Variants in EPS8L1 observed in about 807,000 individuals in gnomAD.
The protein encoded by EPS8L1 is epidermal growth factor receptor kinase substrate 8-like protein 1.
EPS8L1 carries 101 observed loss-of-function variants against 91.7 expected under a neutral mutation model. The ratio of observed to expected loss-of-function variants is 1.10; its 90% CI spans 0.94 to 1.30. The LOEUF (loss-of-function observed/expected upper bound fraction) is 1.30. Ranked by LOEUF, EPS8L1 falls within the 50% of genes most tolerant of loss-of-function variation. The probability of loss-of-function intolerance (pLI) is 0.00; values close to 1 mark genes in which losing one functional copy is unlikely to be tolerated. For synonymous variants in EPS8L1, 506 were observed against 445.3 expected (o/e 1.14, Z -1.72); for missense variants, 1,114 against 1,017.0 (o/e 1.10, Z -1.30).
chr19:55,087,905 A>G lies in EPS8L1; in HGVS notation c.*291A>G, dbSNP rs1281200017. ...TTGTAATATGCGGCCCAGCCTATAA[A>G]CAGCCTCCGTGCTTAGCAGATGGTG... On this transcript the variant is annotated 3_prime_UTR_variant, in exon 20 of 20. Coordinates refer to ENST00000201647, the MANE Select transcript of EPS8L1 (RefSeq NM_133180.3). 4.6e-6 allele frequency: 2 copies of G among 432,020 alleles called. No homozygotes were observed. The highest frequency in any genetic ancestry group is 8.6e-6 in the Non-Finnish European group (2 of 232,182). The allele number at this position is 432,020 out of a possible 1,614,324, so 26.8% of individuals were successfully genotyped here. A position where few individuals can be genotyped will look rare whatever the true frequency, so the allele number is the denominator to read the frequency against.
intron 7 of EPS8L1, 55 bp downstream of exon 7, chr19:55,080,909 C>T (rs921567078): frequency 2.0e-6 from 3 of 1,477,600 alleles, no homozygotes; most frequent in South Asian, 1.3e-5. Context: ...CCTCCTTGTG[C>T]CTCAGTCTAC....
At chr19:55,080,723 G>A in intron 6 of EPS8L1, 49 bp from the exon 7 acceptor site, 1 of 1,595,180 alleles carries the variant, frequency 6.3e-7, no homozygotes, top group South Asian at 1.1e-5. Context: ...GGCCCGGGTA[G>A]GAAGTGGGTG....
chr19:55,080,045 T>C, intron 5 of EPS8L1, 84 bp from the exon 6 acceptor site: 1 of 1,452,838 alleles, frequency 6.9e-7, no homozygotes, highest in African/African-American at 1.4e-5. Context: ...GAGGTTGCCC[T>C]GACCTGCTGG....
chr19:55,086,332 G>T (rs2076351708), intron 16 of EPS8L1, 60 bp from the exon 17 acceptor site: 1 of 1,604,736 alleles, frequency 6.2e-7, no homozygotes, highest in East Asian at 2.2e-5. Flanking sequence ...CCAGAAAGGG[G>T]AGAGGCTGGG....
rs751602180 is a variant in EPS8L1 at position 55,086,190 on chromosome 19, C to G, written c.1648C>G (p.Leu550Val). The G allele has an allele frequency of 9.4e-6, 15 of 1,594,968 alleles. No individual in the cohort carries two copies. The highest frequency in any genetic ancestry group is 1.3e-5 in the Non-Finnish European group (15 of 1,170,290). The change falls in exon 16 of 20, where the codon CTG becomes GTG. Residue 550 changes from leucine to valine, a missense_variant and splice_region_variant. Coordinates refer to ENST00000201647, the MANE Select transcript of EPS8L1 (RefSeq NM_133180.3). ...CCACAGCCAAAGCCCTGCCCGCAGC[C>G]TGGTGAGCCAGCGCAGACGCTGGGA... ...LHHSQSPARS[L>V]NSTPPPPPAP...
In EPS8L1 at chr19:55,080,123, C is replaced by T; in HGVS notation, c.280-6C>T. The stretch of plus-strand genomic sequence containing the variant: ...CCTCAGTTTACCCCGCCATCCCACC[C>T]GGCAGGAGGAGCTGGAGTCGTACCC... On this transcript the variant is annotated splice_region_variant and splice_polypyrimidine_tract_variant and intron_variant, in intron 5 of 19. Transcript: ENST00000201647. 2 of 1,482,474 alleles carry T rather than the reference C, an allele frequency of 1.3e-6. No homozygotes were observed. Among genetic ancestry groups the T allele is most frequent in the South Asian group, 2.7e-5 (2 of 74,568 alleles). 91.8% of individuals were successfully genotyped at this position (1,482,474 alleles called of 1,614,324 possible).
chr19:55,083,734 T>C lies in EPS8L1; in HGVS notation c.1385+90T>C. 1 of 1,529,826 alleles carries C rather than the reference T, an allele frequency of 6.5e-7. No individual in the cohort carries two copies. Among genetic ancestry groups the C allele is most frequent in the Non-Finnish European group, 8.9e-7 (1 of 1,128,262 alleles). The allele number at this position is 1,529,826 out of a possible 1,614,324, so 94.8% of individuals were successfully genotyped here. On this transcript the variant is annotated intron_variant, in intron 14 of 19. Transcript: ENST00000201647. This position sits in a 1 kb window ranked among gnomAD's most constrained non-coding sequence, Gnocchi z 4.7. Reference sequence around the variant, plus strand: ...GCTGACTCCGCCCCCTTTTTTTCTGTGTTTTTCCTTCTGTCTTCCTGGCTC... The same window carrying C: ...GCTGACTCCGCCCCCTTTTTTTCTGCGTTTTTCCTTCTGTCTTCCTGGCTC...
rs1409469579 is a variant in EPS8L1 at position 55,081,516 on chromosome 19, G to C, written c.774+24G>C. On this transcript the variant is annotated intron_variant, in intron 8 of 19. Transcript: ENST00000201647. This position sits in a 1 kb window ranked among gnomAD's most constrained non-coding sequence, Gnocchi z 4.9. ...TGGTGAGCCGCTAAGGAAGGGGTCT[G>C]GGGGCAGGGCCAGGCGACTGGAGGC... 3 of 1,546,730 alleles carry C rather than the reference G, an allele frequency of 1.9e-6. No homozygotes were observed. The highest frequency in any genetic ancestry group is 1.7e-6 in the Non-Finnish European group (2 of 1,148,356).
chr19:55,076,268 G>C, intron 1 of EPS8L1, 140 bp from the exon 2 acceptor site: 1 of 676,400 alleles, frequency 1.5e-6, no homozygotes, highest in Non-Finnish European at 2.4e-6. Flanking sequence ...CTGGGTCTGA[G>C]GGAGGAGGGG....
In EPS8L1 at chr19:55,081,124, CTCCCTTTGA is replaced by C. The variant is rs1234488742; in HGVS notation, c.513-106_513-98del. 6.0e-6 allele frequency: 8 copies of C among 1,343,820 alleles called. No individual in the cohort carries two copies. The highest frequency in any genetic ancestry group is 7.9e-6 in the Non-Finnish European group (8 of 1,018,150). The allele number at this position is 1,343,820 out of a possible 1,614,324, so 83.2% of individuals were successfully genotyped here. On this transcript the variant is annotated intron_variant, in intron 7 of 19. Transcript: ENST00000201647. The surrounding 1 kb of genome is among the most constrained non-coding windows in gnomAD (Gnocchi z 4.9). Reference sequence around the variant, plus strand: ...CTCCCTACCTCGTTGAACTTGTTCACTCCCTTTGAGCCTTTTGAGCCTGTGTGTCTCGTT... The same window carrying C: ...CTCCCTACCTCGTTGAACTTGTTCACGCCTTTTGAGCCTGTGTGTCTCGTT...
intron 6 of EPS8L1, 119 bp downstream of exon 6, chr19:55,080,397 A>G (rs2076229541): frequency 1.3e-6 from 2 of 1,569,396 alleles, no homozygotes; most frequent in Non-Finnish European, 8.6e-7. Flanking sequence ...GGATCAGAGC[A>G]AGGAAGGGCA....
chr19:55,079,687 C>G lies in EPS8L1; in HGVS notation c.118-3C>G, dbSNP rs929952215. On this transcript the variant is annotated splice_polypyrimidine_tract_variant and splice_region_variant and intron_variant, in intron 4 of 19. Coordinates refer to ENST00000201647, the MANE Select transcript of EPS8L1 (RefSeq NM_133180.3). ...TCACTGCTTTCTCCATGGTCCGTAC[C>G]AGCACCTGGTGACGTTCTGCCTGGG... 8 of 1,613,138 alleles carry G rather than the reference C, an allele frequency of 5.0e-6. No homozygotes were observed. The highest frequency in any genetic ancestry group is 6.8e-6 in the Non-Finnish European group (8 of 1,179,514).
Position 55,081,047 on chromosome 19 carries a change from C to T in EPS8L1, c.513-184C>T, listed in dbSNP as rs2076247084. On this transcript the variant is annotated intron_variant, in intron 7 of 19. Coordinates refer to ENST00000201647, the MANE Select transcript of EPS8L1 (RefSeq NM_133180.3). This position sits in a 1 kb window ranked among gnomAD's most constrained non-coding sequence, Gnocchi z 4.9. ...CTGCTTCTTTTCTCTGTTCCCTGTC[C>T]AGGCCCTCAGTTTCACTCTAGAGAG... 1.1e-6 allele frequency: 1 copy of T among 929,794 alleles called. No individual in the cohort carries two copies. The highest frequency in any genetic ancestry group is 1.6e-6 in the Non-Finnish European group (1 of 637,576). 57.6% of individuals were successfully genotyped at this position (929,794 alleles called of 1,614,324 possible).
intron 16 of EPS8L1, 75 bp from the exon 17 acceptor site, chr19:55,086,317 C>G (rs1057026585): frequency 5.6e-6 from 9 of 1,608,114 alleles, no homozygotes; most frequent in Non-Finnish European, 6.8e-6. Context: ...TTCAGAAATG[C>G]ATCTCCAGAA....
chr19:55,086,511 C>A lies in EPS8L1; in HGVS notation c.1770C>A (p.Ser590Arg). Residue 590 changes from serine (S) to arginine (R), a missense_variant, in exon 17 of 20, where the codon AGC becomes AGA. Physicochemically the swap from Ser to Arg is moderately radical, Grantham distance 110. Coordinates refer to ENST00000201647, the MANE Select transcript of EPS8L1 (RefSeq NM_133180.3). ...ATAGCCTCAACGGCTTGGACCCCAGCGAGAAGGGTGAGTGGTGGGGACGCC... is the reference window on the plus strand; with the variant it reads ...ATAGCCTCAACGGCTTGGACCCCAGAGAGAAGGGTGAGTGGTGGGGACGCC... ...SCDSLNGLDPSEKEKFSQMLI... is the reference protein window; with the variant it reads ...SCDSLNGLDPREKEKFSQMLI... 1 of 1,551,192 alleles carries A rather than the reference C, an allele frequency of 6.4e-7. No homozygotes were observed. Among genetic ancestry groups the A allele is most frequent in the Non-Finnish European group, 8.7e-7 (1 of 1,146,874 alleles).
rs1481647492 is a variant in EPS8L1, at chr19:55,086,965, G to A, written c.1952+77G>A. 4 of 1,392,694 alleles carry A rather than the reference G, an allele frequency of 2.9e-6. 1 individual carries two copies. The Admixed American group carries it at 1.1e-4, about 37-fold the overall frequency. The allele number at this position is 1,392,694 out of a possible 1,614,324, so 86.3% of individuals were successfully genotyped here. On this transcript the variant is annotated intron_variant, in intron 18 of 19. Coordinates refer to ENST00000201647, the MANE Select transcript of EPS8L1 (RefSeq NM_133180.3). ...GGAGCGTTCCGATCGGCCGGGAGTC[G>A]GGGGGCGGCAGTCGTGGAGACCACA... is the stretch of plus-strand genomic sequence containing the variant.
chr19:55,081,041 C>T lies in EPS8L1; in HGVS notation c.512+187C>T. On this transcript the variant is annotated intron_variant, in intron 7 of 19. Transcript: ENST00000201647. The surrounding 1 kb of genome is among the most constrained non-coding windows in gnomAD (Gnocchi z 4.9). ...AGAACTCTGCTTCTTTTCTCTGTTC[C>T]CTGTCCAGGCCCTCAGTTTCACTCT... 1.1e-6 allele frequency: 1 copy of T among 917,668 alleles called. No homozygotes were observed. The highest frequency in any genetic ancestry group is 1.6e-6 in the Non-Finnish European group (1 of 626,492). 56.8% of individuals were successfully genotyped at this position (917,668 alleles called of 1,614,324 possible). A position where few individuals can be genotyped will look rare whatever the true frequency, so the allele number is the denominator to read the frequency against.
chr19:55,086,434 C>A lies in EPS8L1; in HGVS notation c.1693C>A (p.Pro565Thr), dbSNP rs973104187. 7 of 1,556,320 alleles carry A rather than the reference C, an allele frequency of 4.5e-6. No homozygotes were observed. The highest frequency in any genetic ancestry group is 1.4e-5 in the African/African-American group (1 of 73,454). The change falls in exon 17 of 20, where the codon CCT becomes ACT. Residue 565 changes from proline (P) to threonine (T), a missense_variant. Pro to Thr is a conservative substitution (Grantham distance 38, BLOSUM62 -1). Transcript: ENST00000201647. ...ACCACCAGCCCCAGCCCCGGCCCCACCTCCAGCTCTGGCTCGGCCCCGCTG... is the reference window on the plus strand; with the variant it reads ...ACCACCAGCCCCAGCCCCGGCCCCAACTCCAGCTCTGGCTCGGCCCCGCTG... ...PPPPAPAPAPPPALARPRWDR... is the reference protein window; with the variant it reads ...PPPPAPAPAPTPALARPRWDR...
chr19:55,087,189 C>G (rs1273256753), intron 18 of EPS8L1, 114 bp from the exon 19 acceptor site: 4 of 1,436,576 alleles, frequency 2.8e-6, no homozygotes, highest in African/African-American at 1.4e-5. Context: ...GGCCTGCCCC[C>G]GCTAGAGCTA....
Sources: gnomAD v4.1 joint callset for allele counts on GRCh38, gnomAD v4.1.1 for gene constraint, Gnocchi (gnomAD v3.1) non-coding constraint, MANE v1.5 for transcripts, NCBI Gene and HGNC (gene_info 2026-07-23, HGNC 2026-07-21) for gene names.